Variants in MEF2C observed in about 807,000 individuals in gnomAD.
MEF2C encodes myocyte-specific enhancer factor 2C.
In MEF2C, 6 loss-of-function variants were observed where a neutral mutation model predicts 50.5. The ratio of observed to expected loss-of-function variants is 0.12; its 90% CI spans 0.07 to 0.23. The LOEUF is 0.23. MEF2C is among the 10% of genes least tolerant of loss of function. The pLI, the probability that MEF2C is intolerant of heterozygous loss-of-function variation, is 1.00. For synonymous variants in MEF2C, 183 were observed against 228.0 expected, an observed-to-expected ratio of 0.80 and a Z score of 1.78; for missense variants, 276 against 605.0, an observed-to-expected ratio of 0.46 and a Z score of 5.70.
intron 2 of MEF2C, among the ~76,000 whole-genome samples, chr5:88,814,659 C>T (rs1036365084): frequency 6.6e-6 from 1 of 151,962 alleles, no homozygotes; most frequent in African/African-American, 2.4e-5. Flanking sequence ...AACCCCTCAC[C>T]CTAAGTCAAC....
chr5:88,888,186 T>C (rs17560451), intron 1 of MEF2C: 28,242 of 152,224 alleles, frequency 0.19, 2,871 homozygotes, highest in Non-Finnish European at 0.24. Context: ...CCAAGCAGTG[T>C]TTAACTATAC....
chr5:88,766,238 G>A (rs977932825), intron 3 of MEF2C, among the ~76,000 whole-genome samples: 2 of 152,056 alleles, frequency 1.3e-5, no homozygotes, highest in Admixed American at 6.6e-5. Context: ...ATTTCATTAG[G>A]GGAACAGATT....
chr5:88,844,545 G>T, intron 1 of MEF2C: 1 of 388,434 alleles, frequency 2.6e-6, no homozygotes, highest in Non-Finnish European at 3.5e-6. Flanking sequence ...TTTTGTTTCT[G>T]CTTGGTTTTT....
intron 1 of MEF2C, among the ~76,000 whole-genome samples, chr5:88,852,848 G>A (rs1353048841): frequency 6.6e-6 from 1 of 152,176 alleles, no homozygotes; most frequent in Non-Finnish European, 1.5e-5. Flanking sequence ...CTGAGAGGTG[G>A]CGCTTGCAGT....
intron 1 of MEF2C, among the ~76,000 whole-genome samples, chr5:88,830,418 T>C (rs1007422944): frequency 6.6e-6 from 1 of 152,076 alleles, no homozygotes; most frequent in East Asian, 1.9e-4. Context: ...ACATACATCA[T>C]TTTATTTACA....
chr5:88,741,541 G>A (rs1223435733), intron 6 of MEF2C: 5 of 985,148 alleles, frequency 5.1e-6, no homozygotes, highest in Non-Finnish European at 6.0e-6. Context: ...TTTTCACTGA[G>A]TTGCTTAATA....
chr5:88,735,268 G>A, intron 6 of MEF2C: 1 of 985,354 alleles, frequency 1.0e-6, no homozygotes. Context: ...CAAAGAGAAT[G>A]GTCGCATTTA....
intron 2 of MEF2C, among the ~76,000 whole-genome samples, chr5:88,822,778 G>A (rs578032944): frequency 6.6e-6 from 1 of 152,060 alleles, no homozygotes; most frequent in East Asian, 1.9e-4. Flanking sequence ...CTACTGTGTA[G>A]CCTTCTTCAG....
At chr5:88,852,914 CAAAA>C (rs1424404996) in intron 1 of MEF2C, among the ~76,000 whole-genome samples, 2 of 118,672 alleles carry the variant, frequency 1.7e-5, no homozygotes, top group Admixed American at 8.8e-5. Context: ...GACTCTGTCT[CAAAA>C]AAAAAAAAAA....
chr5:88,851,076 T>G (rs552809435), intron 1 of MEF2C, among the ~76,000 whole-genome samples: 1 of 151,670 alleles, frequency 6.6e-6, no homozygotes, highest in African/African-American at 2.4e-5. Context: ...CTACTAAAAA[T>G]AGAAAAATTA....
chr5:88,866,847 T>G (rs1401834140), intron 1 of MEF2C, among the ~76,000 whole-genome samples: 2 of 152,218 alleles, frequency 1.3e-5, no homozygotes, highest in African/African-American at 4.8e-5. Context: ...ACTGAATAAC[T>G]CCTGAAATCC....
intron 1 of MEF2C, among the ~76,000 whole-genome samples, chr5:88,848,869 T>C (rs244751): frequency 0.19 from 28,871 of 152,096 alleles, 2,934 homozygotes; most frequent in Middle Eastern, 0.3. Context: ...AATATTATTG[T>C]GAGCCAGGCG....
intron 2 of MEF2C, among the ~76,000 whole-genome samples, chr5:88,813,520 G>A (rs1056747494): frequency 6.6e-5 from 10 of 152,002 alleles, no homozygotes; most frequent in African/African-American, 1.4e-4. Flanking sequence ...CATTTTAACT[G>A]TGGTAACTGT....
At chr5:88,768,189 C>CT (rs1780846827) in intron 3 of MEF2C, among the ~76,000 whole-genome samples, 1 of 152,160 alleles carries the variant, frequency 6.6e-6, no homozygotes, top group South Asian at 2.1e-4. Context: ...CCTTTATGTG[C>CT]TTTTTCCCCT....
At chr5:88,754,916 C>T (rs1333352009) in intron 4 of MEF2C, among the ~76,000 whole-genome samples, 1 of 152,140 alleles carries the variant, frequency 6.6e-6, no homozygotes, top group Non-Finnish European at 1.5e-5. Context: ...CCTTCTGCCT[C>T]CCTGCCTCAT....
intron 6 of MEF2C, chr5:88,733,059 A>G (rs2152297919): frequency 1.0e-6 from 1 of 984,556 alleles, no homozygotes; most frequent in South Asian, 4.7e-5. Flanking sequence ...TGGAAAACAT[A>G]AAGACCAATA....
rs142717616 is a variant in MEF2C, at chr5:88,833,818, A to G, written c.-142-9888T>C. On this transcript the variant is annotated intron_variant, in intron 1 of 10. Coordinates refer to ENST00000504921, the MANE Select transcript of MEF2C (RefSeq NM_002397.5). ...GAAAAATATAATTATAGTGCTTCTT[A>G]TAAGTTTGGGGTTATGGCAAGGGAG... 3.6e-3 allele frequency among the ~76,000 whole-genome samples: 550 copies of G among 152,236 alleles called. 4 individuals are homozygous for G. The highest frequency in any genetic ancestry group is 0.028 in the East Asian group (144 of 5,176).
intron 1 of MEF2C, among the ~76,000 whole-genome samples, chr5:88,899,951 C>G (rs1268909410): frequency 6.6e-6 from 1 of 152,048 alleles, no homozygotes; most frequent in Non-Finnish European, 1.5e-5. Flanking sequence ...GCCACAATTT[C>G]CCTCCATATT....
chr5:88,858,362 G>GC (rs1158806628), intron 1 of MEF2C, among the ~76,000 whole-genome samples: 1 of 152,118 alleles, frequency 6.6e-6, no homozygotes, highest in East Asian at 1.9e-4. Flanking sequence ...CCTTAAAGAA[G>GC]CAAGACTCCA....
Sources: allele counts gnomAD v4.1 joint callset (sites outside exome capture counted in the v4.1 genomes callset), GRCh38; gene constraint gnomAD v4.1.1; transcripts MANE v1.5; gene names NCBI Gene and HGNC (gene_info 2026-07-23, HGNC 2026-07-21).